LDLRAD1: variants seen among roughly 807,000 people sequenced by gnomAD.
The protein encoded by LDLRAD1 is low-density lipoprotein receptor class A domain-containing protein 1.
In LDLRAD1, 17 loss-of-function variants were observed where a neutral mutation model predicts 24.8. The ratio of observed to expected loss-of-function variants is 0.69; its 90% CI spans 0.47 to 1.03. The LOEUF is 1.03. Ranked by LOEUF, LDLRAD1 falls within the 50% of genes least tolerant of loss-of-function variation. The pLI is 0.00. For missense variants in LDLRAD1, 277 were observed against 271.0 expected (o/e 1.02, Z -0.16); for synonymous variants, 103 against 108.2 (o/e 0.95, Z 0.30).
intron 5 of LDLRAD1, among the ~76,000 whole-genome samples, chr1:54,009,395 C>G (rs1209467984): frequency 6.6e-6 from 1 of 152,108 alleles, no homozygotes; most frequent in Non-Finnish European, 1.5e-5. Flanking sequence ...GGCAAAGTCC[C>G]AGGCACACGG....
chr1:54,015,679 G>A (rs764035631), intron 2 of LDLRAD1, among the ~76,000 whole-genome samples: 2 of 148,372 alleles, frequency 1.3e-5, no homozygotes, highest in Non-Finnish European at 1.5e-5. Flanking sequence ...TTTTTGAGGC[G>A]GAGTCTTGCT....
intron 1 of LDLRAD1, 76 bp from the exon 2 acceptor site, chr1:54,017,503 T>A (rs1656360309): frequency 4.0e-6 from 5 of 1,255,584 alleles, no homozygotes; most frequent in Non-Finnish European, 5.7e-6. Flanking sequence ...CAACAGGGTT[T>A]TCAGAGGGGT....
chr1:54,010,224 T>C, intron 5 of LDLRAD1, 58 bp downstream of exon 5: 1 of 1,601,832 alleles, frequency 6.2e-7, no homozygotes, highest in Non-Finnish European at 8.5e-7. Context: ...GCTCACCCTT[T>C]GCCCTCTGGC....
intron 3 of LDLRAD1, among the ~76,000 whole-genome samples, chr1:54,012,930 G>A (rs1200814140): frequency 6.6e-6 from 1 of 152,176 alleles, no homozygotes; most frequent in East Asian, 1.9e-4. Flanking sequence ...AAGGTAGGAG[G>A]AACCCCTTGG....
chr1:54,012,227 G>T lies in LDLRAD1; in HGVS notation c.256C>A (p.Gln86Lys). 6.2e-7 allele frequency: 1 copy of T among 1,614,122 alleles called. No homozygotes were observed. Among genetic ancestry groups the T allele is most frequent in the Non-Finnish European group, 8.5e-7 (1 of 1,179,968 alleles). Residue 86 changes from glutamine (Q) to lysine (K), a missense_variant, in exon 4 of 6, where the codon CAG becomes AAG. Physicochemically the swap from Gln to Lys is moderately conservative, Grantham distance 53. Transcript: ENST00000371360. ...CCACTGGCTGGAATGCAGCTCCTCTGGTCATGGCACAAGAAGCCTGTCCTG... is the reference window on the plus strand; with the variant it reads ...CCACTGGCTGGAATGCAGCTCCTCTTGTCATGGCACAAGAAGCCTGTCCTG... ...TNRTGFLCHD[Q>K]RSCIPASGVC...
At position 54,012,135 on chromosome 1, in the gene LDLRAD1, G is replaced by C; in HGVS notation, c.340+8C>G. ...CCCTGGGAGGGGCAGCACCGAGCGG[G>C]TACTCACGGCACAAGCTCTCATCCT... On this transcript the variant is annotated splice_region_variant and intron_variant, in intron 4 of 5. Coordinates refer to ENST00000371360, the MANE Select transcript of LDLRAD1 (RefSeq NM_001010978.4). 2 of 1,613,544 alleles carry C rather than the reference G, an allele frequency of 1.2e-6. No homozygotes were observed. The highest frequency in any genetic ancestry group is 2.2e-5 in the East Asian group (1 of 44,874).
At position 54,008,758 on chromosome 1, in the gene LDLRAD1, T is replaced by C. The variant is rs1352607876; in HGVS notation, c.*224A>G. On this transcript the variant is annotated 3_prime_UTR_variant, in exon 6 of 6. Coordinates refer to ENST00000371360, the MANE Select transcript of LDLRAD1 (RefSeq NM_001010978.4). ...AGAGACGGGGTTCCACCACATCATC[T>C]TTGTTAGAAGCCACCTAACATGGTA... 4 of 475,390 alleles carry C rather than the reference T, an allele frequency of 8.4e-6. No homozygotes were observed. The highest frequency in any genetic ancestry group is 3.8e-6 in the Non-Finnish European group (1 of 266,156). 29.4% of individuals were successfully genotyped at this position (475,390 alleles called of 1,614,324 possible).
Position 54,008,942 on chromosome 1 carries a change from C to T in LDLRAD1, c.*40G>A, listed in dbSNP as rs1296251421. Reference sequence around the variant, plus strand: ...ATTTTCATGTGAAGGGTTATCAGTGCCATTCCAGCCAGCCTTCCATGCTGG... The same window carrying T: ...ATTTTCATGTGAAGGGTTATCAGTGTCATTCCAGCCAGCCTTCCATGCTGG... On this transcript the variant is annotated 3_prime_UTR_variant, in exon 6 of 6. Coordinates refer to ENST00000371360, the MANE Select transcript of LDLRAD1 (RefSeq NM_001010978.4). The T allele has an allele frequency of 1.2e-5, 19 of 1,582,842 alleles. No homozygotes were observed. The highest frequency in any genetic ancestry group is 1.6e-5 in the Non-Finnish European group (19 of 1,160,722).
At position 54,017,228 on chromosome 1, in the gene LDLRAD1, C is replaced by T. The variant is rs1569904008; in HGVS notation, c.73+148G>A. 11 of 643,030 alleles carry T rather than the reference C, an allele frequency of 1.7e-5. No individual in the cohort carries two copies. In the East Asian group the frequency reaches 3.0e-4, roughly 18 times the overall value. 39.8% of individuals were successfully genotyped at this position (643,030 alleles called of 1,614,324 possible). A position where few individuals can be genotyped will look rare whatever the true frequency, so the allele number is the denominator to read the frequency against. ...AGCAAGTGACTGTCAGCATGGCTGG[C>T]CAGGAAGCTGGGAGCAGACAACGTT... On this transcript the variant is annotated intron_variant, in intron 2 of 5. Transcript: ENST00000371360.
At chr1:54,010,479 G>A in intron 4 of LDLRAD1, 69 bp from the exon 5 acceptor site, 4 of 1,556,676 alleles carry the variant, frequency 2.6e-6, no homozygotes, top group Non-Finnish European at 3.5e-6. Context: ...TTATCGGGAG[G>A]AGGATTGACC....
Position 54,008,808 on chromosome 1 carries a change from T to C in LDLRAD1, c.*174A>G, listed in dbSNP as rs1655919280. The C allele has an allele frequency of 1.6e-6, 1 of 618,188 alleles. No homozygotes were observed. The highest frequency in any genetic ancestry group is 2.8e-6 in the Non-Finnish European group (1 of 356,792). 38.3% of individuals were successfully genotyped at this position (618,188 alleles called of 1,614,324 possible). A position where few individuals can be genotyped will look rare whatever the true frequency, so the allele number is the denominator to read the frequency against. ...AATGAGCTCCTGGTCATTGGAAGCATTCAAGCAGAGGCTGAACAACTTGAA... is the reference window on the plus strand; with the variant it reads ...AATGAGCTCCTGGTCATTGGAAGCACTCAAGCAGAGGCTGAACAACTTGAA... On this transcript the variant is annotated 3_prime_UTR_variant, in exon 6 of 6. Coordinates refer to ENST00000371360, the MANE Select transcript of LDLRAD1 (RefSeq NM_001010978.4).
chr1:54,018,164 G>T lies in LDLRAD1; in HGVS notation c.-52C>A, dbSNP rs771003529. Reference sequence around the variant, plus strand: ...GGGCTGTGTGCAGAGAGCTCAGCACGGGTTCCCTGCATTGTCACCAAGGCC... The same window carrying T: ...GGGCTGTGTGCAGAGAGCTCAGCACTGGTTCCCTGCATTGTCACCAAGGCC... On this transcript the variant is annotated 5_prime_UTR_variant, in exon 1 of 6. Coordinates refer to ENST00000371360, the MANE Select transcript of LDLRAD1 (RefSeq NM_001010978.4). 2.5e-6 allele frequency: 4 copies of T among 1,609,020 alleles called. No individual in the cohort carries two copies. The highest frequency in any genetic ancestry group is 3.4e-6 in the Non-Finnish European group (4 of 1,177,124).
At chr1:54,010,185 C>T in intron 5 of LDLRAD1, 97 bp downstream of exon 5, 1 of 1,396,404 alleles carries the variant, frequency 7.2e-7, no homozygotes, top group South Asian at 1.3e-5. Flanking sequence ...TGCAGGGAAG[C>T]ATGCAAGGGG....
chr1:54,013,315 CCTCAGGGT>C (rs768537336), intron 3 of LDLRAD1, among the ~76,000 whole-genome samples: 1 of 152,140 alleles, frequency 6.6e-6, no homozygotes, highest in Non-Finnish European at 1.5e-5. Context: ...TATTCATCCA[CCTCAGGGT>C]CTGTGTTCCT....
intron 2 of LDLRAD1, among the ~76,000 whole-genome samples, chr1:54,014,690 A>G (rs2100260957): frequency 6.8e-6 from 1 of 146,150 alleles, no homozygotes; most frequent in South Asian, 2.4e-4. Context: ...TCCAGCCCCC[A>G]CCTTGGGGCA....
intron 5 of LDLRAD1, 101 bp from the exon 6 acceptor site, chr1:54,009,231 G>T: frequency 9.1e-7 from 1 of 1,103,598 alleles, no homozygotes; most frequent in Non-Finnish European, 1.3e-6. Flanking sequence ...GCTCCCCATG[G>T]CCCCAACCCA....
chr1:54,009,001 T>C lies in LDLRAD1; in HGVS notation c.599A>G (p.Tyr200Cys), dbSNP rs144950874. ...GCCCACTCAGGGTCCGGGACAGGCA[T>C]ACTCATCGGACCAGTCGGAGCAGTG... ...VQHCSDWSDE[Y>C]ACPGP The change falls in exon 6 of 6, where the codon TAT (tyrosine) becomes TGT (cysteine). Residue 200 changes from tyrosine to cysteine, a missense_variant. Coordinates refer to ENST00000371360, the MANE Select transcript of LDLRAD1 (RefSeq NM_001010978.4). 1.2e-6 allele frequency: 2 copies of C among 1,613,686 alleles called. No homozygotes were observed. The highest frequency in any genetic ancestry group is 1.3e-5 in the African/African-American group (1 of 74,882).
At chr1:54,012,042 G>A in intron 4 of LDLRAD1, 101 bp downstream of exon 4, 3 of 1,418,920 alleles carry the variant, frequency 2.1e-6, no homozygotes, top group Non-Finnish European at 2.9e-6. Context: ...GAGCATCAAA[G>A]CCATGGGGAC....
intron 3 of LDLRAD1, 44 bp from the exon 4 acceptor site, chr1:54,012,324 C>A (rs1251145398): frequency 6.2e-7 from 1 of 1,609,124 alleles, no homozygotes; most frequent in Non-Finnish European, 8.5e-7. Flanking sequence ...GGGTGGTGCT[C>A]ACAAGGACAA....
Sources: gnomAD v4.1 joint callset for allele counts (sites outside exome capture counted in the v4.1 genomes callset) on GRCh38, gnomAD v4.1.1 for gene constraint, MANE v1.5 for transcripts, NCBI Gene and HGNC (gene_info 2026-07-23, HGNC 2026-07-21) for gene names.